CEMIP: variants seen among roughly 807,000 people sequenced by gnomAD.
CEMIP encodes cell migration inducing hyaluronidase 1.
CEMIP carries 105 observed loss-of-function variants against 156.9 expected under a neutral mutation model. That is an observed-to-expected ratio of 0.67 (90% CI 0.57 to 0.79). The LOEUF (loss-of-function observed/expected upper bound fraction) is 0.79. Ranked by LOEUF, CEMIP falls within the 30% of genes least tolerant of loss-of-function variation. The probability of loss-of-function intolerance (pLI) is 0.00; values close to 1 mark genes in which losing one functional copy is unlikely to be tolerated. For synonymous variants in CEMIP, 676 were observed against 668.4 expected (o/e 1.01, Z -0.17); for missense variants, 1,457 against 1,769.4 (o/e 0.82, Z 3.17).
intron 1 of CEMIP, among the ~76,000 whole-genome samples, chr15:80,797,699 A>G (rs1896266798): frequency 6.6e-6 from 1 of 152,158 alleles, no homozygotes; most frequent in Non-Finnish European, 1.5e-5. Context: ...AATGGCCTGG[A>G]TGGAGGGGCC....
intron 14 of CEMIP, among the ~76,000 whole-genome samples, chr15:80,915,138 A>G (rs992145815): frequency 4.6e-5 from 7 of 152,324 alleles, no homozygotes; most frequent in African/African-American, 1.7e-4. Context: ...TTTCCCCAGG[A>G]GCAGTTGGGG....
chr15:80,856,796 T>A (rs555398444), intron 1 of CEMIP, among the ~76,000 whole-genome samples: 33 of 152,292 alleles, frequency 2.2e-4, no homozygotes, highest in Admixed American at 4.6e-4. Context: ...TTCTGGCCTC[T>A]CCTCCCAGCT....
chr15:80,779,609 C>T lies in CEMIP; in HGVS notation c.-181C>T, dbSNP rs1344017895. On this transcript the variant is annotated 5_prime_UTR_variant, in exon 1 of 30. Transcript: ENST00000394685. ...GCGTGACACTGTCTCGGCTACAGAC[C>T]CAGAGGTAAGAGGGCCTGGCTGGGG... 6.6e-6 allele frequency: 1 copy of T among 152,092 alleles called. No individual in the cohort carries two copies. The highest frequency in any genetic ancestry group is 1.5e-5 in the Non-Finnish European group (1 of 68,028). The allele number at this position is 152,092 out of a possible 1,614,324, so 9.4% of individuals were successfully genotyped here.
intron 10 of CEMIP, among the ~76,000 whole-genome samples, chr15:80,890,770 T>G (rs1259678581): frequency 2.6e-5 from 4 of 152,146 alleles, no homozygotes; most frequent in Non-Finnish European, 1.5e-5. Flanking sequence ...CGCCACACCA[T>G]CCTGGGCAGA....
At chr15:80,942,140 T>C (rs1460154524) in intron 26 of CEMIP, 87 bp downstream of exon 26, 1 of 1,488,808 alleles carries the variant, frequency 6.7e-7, no homozygotes, top group East Asian at 2.3e-5. Context: ...CAGACCCAAT[T>C]AGGTCCCTCA....
At chr15:80,894,293 A>G (rs889477315) in intron 10 of CEMIP, among the ~76,000 whole-genome samples, 2 of 152,182 alleles carry the variant, frequency 1.3e-5, no homozygotes, top group Admixed American at 6.5e-5. Context: ...TCTGGGTTCA[A>G]GTTTTAGCTC....
At chr15:80,883,772 G>A (rs1898741360) in intron 6 of CEMIP, among the ~76,000 whole-genome samples, 1 of 152,140 alleles carries the variant, frequency 6.6e-6, no homozygotes, top group Non-Finnish European at 1.5e-5. Flanking sequence ...AATTCCTAAT[G>A]CCCTAGCTAT....
intron 1 of CEMIP, among the ~76,000 whole-genome samples, chr15:80,799,286 G>A (rs1409887939): frequency 1.3e-5 from 2 of 152,210 alleles, no homozygotes; most frequent in African/African-American, 4.8e-5. Flanking sequence ...GCCGCCTTGT[G>A]AGCACGAGAT....
rs923559290 is a variant in CEMIP at position 80,932,626 on chromosome 15, C to G, written c.2793+587C>G. Among the ~76,000 whole-genome samples the G allele has an allele frequency of 6.6e-6, 1 of 152,174 alleles. No individual in the cohort carries two copies. Among genetic ancestry groups the G allele is most frequent in the South Asian group, 2.1e-4 (1 of 4,830 alleles). On this transcript the variant is annotated intron_variant, in intron 22 of 29. Coordinates refer to ENST00000394685, the MANE Select transcript of CEMIP (RefSeq NM_001293298.2). This position sits in a 1 kb window ranked among gnomAD's most constrained non-coding sequence, Gnocchi z 4.5. ...ATTCCCAGACTTTTCCCTCCTTCTCCTCCCTGCTCCTGCCTTTTGCCTGTT... is the reference window on the plus strand; with the variant it reads ...ATTCCCAGACTTTTCCCTCCTTCTCGTCCCTGCTCCTGCCTTTTGCCTGTT...
intron 1 of CEMIP, among the ~76,000 whole-genome samples, chr15:80,865,779 T>C (rs1490456307): frequency 2.0e-5 from 3 of 152,154 alleles, no homozygotes; most frequent in African/African-American, 4.8e-5. Flanking sequence ...AGATTTATCA[T>C]TGTGGCTAAA....
intron 14 of CEMIP, among the ~76,000 whole-genome samples, chr15:80,910,005 A>G (rs1029801413): frequency 1.3e-5 from 2 of 152,208 alleles, no homozygotes; most frequent in South Asian, 4.1e-4. Context: ...ATAATTTTAC[A>G]CTAAATTGGA....
At chr15:80,910,477 T>C (rs1900009322) in intron 14 of CEMIP, among the ~76,000 whole-genome samples, 1 of 152,256 alleles carries the variant, frequency 6.6e-6, no homozygotes, top group African/African-American at 2.4e-5. Flanking sequence ...CATATGGTTA[T>C]GGGAAAATGA....
Position 80,948,725 on chromosome 15 carries a change from A to G in CEMIP, c.3959-72A>G. On this transcript the variant is annotated intron_variant, in intron 29 of 29. Transcript: ENST00000394685. ...TGGGCGTGGGGGGCTGGCGATGGGGAGCCATGGAACGGGGTGGGGCAGCCG... is the reference window on the plus strand; with the variant it reads ...TGGGCGTGGGGGGCTGGCGATGGGGGGCCATGGAACGGGGTGGGGCAGCCG... 1.9e-6 allele frequency: 3 copies of G among 1,605,402 alleles called. No individual in the cohort carries two copies. The South Asian group carries it at 3.3e-5, about 18-fold the overall frequency.
At chr15:80,833,127 CAG>C (rs1335034132) in intron 1 of CEMIP, among the ~76,000 whole-genome samples, 5 of 152,218 alleles carry the variant, frequency 3.3e-5, no homozygotes, top group African/African-American at 1.2e-4. Context: ...TATGCACAGA[CAG>C]GGGAATTAGA....
intron 14 of CEMIP, 54 bp from the exon 15 acceptor site, chr15:80,920,040 G>A: frequency 6.5e-7 from 1 of 1,532,968 alleles, no homozygotes; most frequent in Non-Finnish European, 9.0e-7. Flanking sequence ...ATGCATGAAT[G>A]AGCACATGAA....
chr15:80,935,431 A>G (rs1172962442), intron 23 of CEMIP, among the ~76,000 whole-genome samples: 1 of 152,162 alleles, frequency 6.6e-6, no homozygotes, highest in Non-Finnish European at 1.5e-5. Flanking sequence ...AGCTTGCCAG[A>G]TTATCATAAC....
intron 1 of CEMIP, among the ~76,000 whole-genome samples, chr15:80,848,900 G>GCGCGCACACACACACACA (rs1555430239): frequency 3.7e-5 from 5 of 134,576 alleles, no homozygotes; most frequent in African/African-American, 1.5e-4. Context: ...GTGTGCGCGT[G>GCGCGCACACACACACACA]CACACACACA....
At position 80,873,651 on chromosome 15, in the gene CEMIP, C is replaced by T. The variant is rs866904936; in HGVS notation, c.-62C>T. ...GCAGGACAACGGTAGGATTTTCATG[C>T]CCCGATCTGCCTGGCCTTGAGTTGT... On this transcript the variant is annotated 5_prime_UTR_variant, in exon 2 of 30. Coordinates refer to ENST00000394685, the MANE Select transcript of CEMIP (RefSeq NM_001293298.2). 19 of 552,182 alleles carry T rather than the reference C, an allele frequency of 3.4e-5. No individual in the cohort carries two copies. In the South Asian group the frequency reaches 3.8e-4, roughly 11 times the overall value. 34.2% of individuals were successfully genotyped at this position (552,182 alleles called of 1,614,324 possible).
At chr15:80,909,715 T>C in intron 14 of CEMIP, 1 of 438,248 alleles carries the variant, frequency 2.3e-6, no homozygotes, top group Non-Finnish European at 4.6e-6. Context: ...ATGGGCTTTT[T>C]TTCTTCTGAT....
Sources: gnomAD v4.1 joint callset for allele counts (sites outside exome capture counted in the v4.1 genomes callset) on GRCh38, gnomAD v4.1.1 for gene constraint, Gnocchi (gnomAD v3.1) non-coding constraint, MANE v1.5 for transcripts, NCBI Gene and HGNC (gene_info 2026-07-23, HGNC 2026-07-21) for gene names.